The following LRRK1 variants were observed in gnomAD, a reference collection of about 807,000 sequenced individuals.
LRRK1 encodes leucine rich repeat kinase 1, also known as leucine-rich repeat serine/threonine-protein kinase 1.
Under a neutral mutation model 209.1 loss-of-function variants are expected in LRRK1, and 113 were observed. The ratio of observed to expected loss-of-function variants is 0.54; its 90% CI spans 0.46 to 0.63. The LOEUF (loss-of-function observed/expected upper bound fraction) is 0.63. Among genes scored for constraint, LRRK1 ranks in the 30% least tolerant of loss-of-function variants. LRRK1 has a pLI of 0.00. For synonymous variants in LRRK1, 1,144 were observed against 1,099.7 expected (o/e 1.04, Z -0.80); for missense variants, 2,284 against 2,632.2 (o/e 0.87, Z 2.89).
At chr15:100,962,823 A>ACATATATATATATATATATTTTTTTT (rs1438896981) in intron 2 of LRRK1, among the ~76,000 whole-genome samples, 2 of 11,544 alleles carry the variant, frequency 1.7e-4, no homozygotes, top group East Asian at 1.4e-3. Flanking sequence ...ATATATATAT[A>ACATATATATATATATATATTTTTTTT]TTTTTTTTTT....
At chr15:101,014,170 C>T in intron 10 of LRRK1, 146 bp from the exon 11 acceptor site, 2 of 641,414 alleles carry the variant, frequency 3.1e-6, no homozygotes, top group East Asian at 2.6e-5. Flanking sequence ...GGCTGCTGGG[C>T]CCCACACAGC....
At chr15:100,947,388 A>C (rs2042562766) in intron 2 of LRRK1, among the ~76,000 whole-genome samples, 1 of 152,230 alleles carries the variant, frequency 6.6e-6, no homozygotes, top group Non-Finnish European at 1.5e-5. Flanking sequence ...AATGAAAACC[A>C]ATTATGAGAT....
chr15:101,029,210 G>A lies in LRRK1; in HGVS notation c.2941G>A (p.Ala981Thr), dbSNP rs939724696. Reference protein sequence around the residue: ...YFQFLAKFEIALPVANDSYLL... With the variant: ...YFQFLAKFEITLPVANDSYLL... ...CCAGTTCCTGGCCAAGTTTGAGATC[G>A]CCCTGCCCGTCGCCAATGACAGGTG... Residue 981 changes from alanine (A) to threonine (T), a missense_variant, in exon 20 of 34, where the codon GCC becomes ACC. Coordinates refer to ENST00000388948, the MANE Select transcript of LRRK1 (RefSeq NM_024652.6). 17 of 1,612,374 alleles carry A rather than the reference G, an allele frequency of 1.1e-5. No individual in the cohort carries two copies. Among genetic ancestry groups the A allele is most frequent in the African/African-American group, 5.3e-5 (4 of 74,972 alleles).
intron 2 of LRRK1, among the ~76,000 whole-genome samples, chr15:100,931,083 G>A (rs907934903): frequency 1.3e-5 from 2 of 152,164 alleles, no homozygotes; most frequent in Admixed American, 6.5e-5. Context: ...AAAAAGAAAC[G>A]AGAAAACCGA....
Position 101,027,553 on chromosome 15 carries a change from G to A in LRRK1, c.2527-85G>A, listed in dbSNP as rs893433219. The A allele has an allele frequency of 6.4e-7, 1 of 1,550,652 alleles. No homozygotes were observed. The highest frequency in any genetic ancestry group is 1.4e-5 in the African/African-American group (1 of 73,506). ...GGGTGGAAACGTCCCACCCCCTCAG[G>A]CCACAGGGGCCGGGCAGGATCTGCC... is the stretch of plus-strand genomic sequence containing the variant. On this transcript the variant is annotated intron_variant, in intron 18 of 33. Coordinates refer to ENST00000388948, the MANE Select transcript of LRRK1 (RefSeq NM_024652.6). This position sits in a 1 kb window ranked among gnomAD's most constrained non-coding sequence, Gnocchi z 5.1.
chr15:101,044,689 T>TC (rs1316980689), intron 20 of LRRK1, among the ~76,000 whole-genome samples: 2 of 151,818 alleles, frequency 1.3e-5, no homozygotes, highest in East Asian at 1.9e-4. Context: ...CAGAGAATGC[T>TC]CCCCCCACTC....
intron 4 of LRRK1, among the ~76,000 whole-genome samples, chr15:100,985,710 A>T (rs762317821): frequency 1.8e-4 from 27 of 152,246 alleles, no homozygotes; most frequent in Non-Finnish European, 2.5e-4. Flanking sequence ...AACTGCTCCC[A>T]GGAGCATCGT....
At position 101,061,166 on chromosome 15, in the gene LRRK1, TACAGGA is replaced by T. The variant is rs1555481039; in HGVS notation, c.4680-2_4683del. 1.2e-6 allele frequency: 2 copies of T among 1,609,132 alleles called. No homozygotes were observed. The highest frequency in any genetic ancestry group is 1.7e-6 in the Non-Finnish European group (2 of 1,176,062). On this transcript the variant is annotated splice_acceptor_variant and splice_polypyrimidine_tract_variant and coding_sequence_variant and intron_variant, in exon 30 of 34. Coordinates refer to ENST00000388948, the MANE Select transcript of LRRK1 (RefSeq NM_024652.6). LOFTEE classifies it high-confidence loss of function. ...CACTGACAGCACAGTTTCTGCCACTTACAGGAACTACACGGTGGTGAACACAGAGAA... is the reference window on the plus strand; with the variant it reads ...CACTGACAGCACAGTTTCTGCCACTTACTACACGGTGGTGAACACAGAGAA...
At position 101,065,883 on chromosome 15, in the gene LRRK1, G is replaced by A. The variant is rs377185660; in HGVS notation, c.5446G>A (p.Val1816Met). The change falls in exon 32 of 34, where the codon GTG becomes ATG. Residue 1816 changes from valine to methionine, a missense_variant. Val to Met is a conservative substitution (Grantham distance 21, BLOSUM62 1). Coordinates refer to ENST00000388948, the MANE Select transcript of LRRK1 (RefSeq NM_024652.6). ...KVPEGDSIADVSIMYSEELGT... is the reference protein window; with the variant it reads ...KVPEGDSIADMSIMYSEELGT... The stretch of plus-strand genomic sequence containing the variant: ...GCCTGAGGGGGACTCCATCGCGGAC[G>A]TGAGCATCATGTACAGTGAGGAGCT... 140 of 1,614,166 alleles carry A rather than the reference G, an allele frequency of 8.7e-5. No homozygotes were observed. Among genetic ancestry groups the A allele is most frequent in the East Asian group, 1.3e-4 (6 of 44,884 alleles).
At position 101,065,927 on chromosome 15, in the gene LRRK1, C is replaced by A. The variant is rs1372045084; in HGVS notation, c.5490C>A (p.Ile1830=). The A allele has an allele frequency of 6.2e-7, 1 of 1,614,172 alleles. No individual in the cohort carries two copies. The highest frequency in any genetic ancestry group is 1.1e-5 in the South Asian group (1 of 91,084). The change falls in exon 32 of 34, where the codon ATC becomes ATA. Residue 1830 remains isoleucine (I), a synonymous_variant. Transcript: ENST00000388948. ...AGGAGCTGGGCACGCAGATCCTGAT[C>A]CACCAGGAATCACTCACTGACTACT... The part of the protein sequence containing the change: ...YSEELGTQIL[I]HQESLTDYCS...
intron 3 of LRRK1, among the ~76,000 whole-genome samples, chr15:100,975,315 A>G (rs2031227511): frequency 6.6e-6 from 1 of 152,268 alleles, no homozygotes; most frequent in African/African-American, 2.4e-5. Flanking sequence ...TGGCAGCAGC[A>G]GGAGATGCTG....
chr15:100,920,662 A>T, intron 1 of LRRK1, among the ~76,000 whole-genome samples: 2 of 97,728 alleles, frequency 2.0e-5, no homozygotes, highest in South Asian at 4.2e-4. Flanking sequence ...CCCACCCCCC[A>T]CCCTGCCCCT....
chr15:100,921,408 A>G (rs931558877), intron 1 of LRRK1, among the ~76,000 whole-genome samples: 4 of 152,250 alleles, frequency 2.6e-5, no homozygotes, highest in Non-Finnish European at 5.9e-5. Context: ...AGCCAATGCT[A>G]GTAAGGGATG....
At chr15:101,048,385 GA>G in intron 21 of LRRK1, 108 bp from the exon 22 acceptor site, 1 of 939,960 alleles carries the variant, frequency 1.1e-6, no homozygotes, top group Non-Finnish European at 1.6e-6. Flanking sequence ...GGGTGGGAAA[GA>G]TGGGGGACAT....
chr15:100,921,588 C>T (rs1168623969), intron 1 of LRRK1, among the ~76,000 whole-genome samples: 2 of 152,218 alleles, frequency 1.3e-5, no homozygotes, highest in Non-Finnish European at 2.9e-5. Context: ...CCTAAAATAT[C>T]TGGGCTTCTC....
At chr15:100,980,762 A>C (rs2031553744) in intron 3 of LRRK1, among the ~76,000 whole-genome samples, 1 of 152,204 alleles carries the variant, frequency 6.6e-6, no homozygotes, top group Non-Finnish European at 1.5e-5. Flanking sequence ...GGCAATAGTT[A>C]ATCTGTGGTG....
intron 3 of LRRK1, among the ~76,000 whole-genome samples, chr15:100,980,423 A>C (rs1259472117): frequency 6.6e-6 from 1 of 152,240 alleles, no homozygotes. Flanking sequence ...GAAAAGGAAG[A>C]GAATGAGTGA....
chr15:100,963,119 A>T (rs8041635), intron 2 of LRRK1, among the ~76,000 whole-genome samples: 1 of 151,254 alleles, frequency 6.6e-6, no homozygotes, highest in East Asian at 2.0e-4. Flanking sequence ...CACCACGCCC[A>T]GCCCATTTTG....
chr15:100,972,938 C>CACACACACA (rs1555462750), intron 2 of LRRK1, among the ~76,000 whole-genome samples: 1,126 of 57,172 alleles, frequency 0.02, 16 homozygotes, highest in African/African-American at 0.064. Context: ...ACACACACAC[C>CACACACACA]CAGTTTTGTG....
Sources: allele counts gnomAD v4.1 joint callset (sites outside exome capture counted in the v4.1 genomes callset), GRCh38; gene constraint gnomAD v4.1.1; non-coding constraint Gnocchi (gnomAD v3.1); transcripts MANE v1.5; gene names NCBI Gene and HGNC (gene_info 2026-07-23, HGNC 2026-07-21).